Variants in CSMD3 observed in about 807,000 individuals in gnomAD.
CSMD3 encodes the protein CUB and sushi domain-containing protein 3.
A neutral mutation model predicts 435.2 loss-of-function variants in CSMD3; 177 were observed. The observed-to-expected ratio is 0.41, with a 90% confidence interval of 0.36 to 0.46. The LOEUF is 0.46. Ranked by LOEUF, CSMD3 falls within the 20% of genes least tolerant of loss-of-function variation. The pLI is 0.34. For synonymous variants in CSMD3, 1,656 were observed against 1,520.5 expected, an observed-to-expected ratio of 1.09 and a Z score of -2.07; for missense variants, 4,265 against 4,504.6, an observed-to-expected ratio of 0.95 and a Z score of 1.52.
intron 6 of CSMD3, among the ~76,000 whole-genome samples, chr8:112,981,699 TAAC>T (rs758941228): frequency 6.6e-6 from 1 of 151,694 alleles, no homozygotes; most frequent in Non-Finnish European, 1.5e-5. Context: ...AAACAAATAT[TAAC>T]AAATTATACA....
chr8:113,419,831 G>GAGAT (rs2094601430), intron 1 of CSMD3, among the ~76,000 whole-genome samples: 1 of 151,600 alleles, frequency 6.6e-6, no homozygotes, highest in Admixed American at 6.6e-5. Context: ...ATGGCATGTA[G>GAGAT]AGATCATCAT....
intron 11 of CSMD3, among the ~76,000 whole-genome samples, chr8:112,848,904 T>G (rs2129686556): frequency 6.6e-6 from 1 of 152,238 alleles, no homozygotes; most frequent in South Asian, 2.1e-4. Flanking sequence ...CTTGACCTCC[T>G]TCATTAATTC....
intron 13 of CSMD3, among the ~76,000 whole-genome samples, chr8:112,724,314 T>C (rs2131982516): frequency 6.6e-6 from 1 of 152,150 alleles, no homozygotes; most frequent in African/African-American, 2.4e-5. Flanking sequence ...AAATCAGGTA[T>C]AGTTATTGCC....
chr8:113,435,794 G>A (rs1171536601), intron 1 of CSMD3, among the ~76,000 whole-genome samples: 1 of 152,130 alleles, frequency 6.6e-6, no homozygotes, highest in Non-Finnish European at 1.5e-5. Context: ...GCAGGGTGCC[G>A]GAGAAGTTGT....
chr8:112,599,139 C>A (rs1586772754), intron 22 of CSMD3, among the ~76,000 whole-genome samples: 1 of 143,496 alleles, frequency 7.0e-6, no homozygotes, highest in East Asian at 2.0e-4. Context: ...GGGCTAATAT[C>A]CAGAATCTAC....
chr8:113,346,569 G>A (rs2094152823), intron 1 of CSMD3, among the ~76,000 whole-genome samples: 1 of 151,952 alleles, frequency 6.6e-6, no homozygotes, highest in African/African-American at 2.4e-5. Context: ...ATTAAAACCA[G>A]GGCAAATTTT....
intron 59 of CSMD3, among the ~76,000 whole-genome samples, chr8:112,276,810 G>A (rs897027519): frequency 6.6e-6 from 1 of 152,110 alleles, no homozygotes; most frequent in African/African-American, 2.4e-5. Context: ...CTGTGCACCT[G>A]CAGCCTCAAC....
chr8:112,289,588 A>G, intron 56 of CSMD3, 50 bp from the exon 57 acceptor site: 1 of 1,182,382 alleles, frequency 8.5e-7, no homozygotes, highest in Non-Finnish European at 1.2e-6. Context: ...CTCCTATCGA[A>G]CAACCTATAC....
chr8:112,805,467 A>T (rs2079062648), intron 12 of CSMD3, among the ~76,000 whole-genome samples: 10 of 152,170 alleles, frequency 6.6e-5, no homozygotes. Context: ...AAATAAACAC[A>T]GTTAAAAAAA....
At chr8:113,146,289 T>C (rs2091671297) in intron 4 of CSMD3, among the ~76,000 whole-genome samples, 1 of 151,218 alleles carries the variant, frequency 6.6e-6, no homozygotes, top group Non-Finnish European at 1.5e-5. Flanking sequence ...TCATGGGGGG[T>C]AGGAAGTGAC....
At chr8:112,975,146 G>A (rs1308780576) in intron 7 of CSMD3, among the ~76,000 whole-genome samples, 1 of 151,280 alleles carries the variant, frequency 6.6e-6, no homozygotes, top group East Asian at 2.0e-4. Flanking sequence ...TATATTAACT[G>A]AGTAGAAAAT....
intron 35 of CSMD3, among the ~76,000 whole-genome samples, chr8:112,401,171 C>G (rs1344700715): frequency 2.0e-5 from 3 of 152,006 alleles, no homozygotes; most frequent in Non-Finnish European, 2.9e-5. Flanking sequence ...CCACTGCACT[C>G]TAGCCTGGGT....
At chr8:113,163,481 A>T (rs955053347) in intron 4 of CSMD3, among the ~76,000 whole-genome samples, 3 of 151,054 alleles carry the variant, frequency 2.0e-5, no homozygotes, top group Non-Finnish European at 4.4e-5. Flanking sequence ...CTAAGTATAA[A>T]TTTTTTTGTT....
chr8:112,906,474 AC>A (rs532697616), intron 10 of CSMD3, among the ~76,000 whole-genome samples: 203 of 151,492 alleles, frequency 1.3e-3, no homozygotes, highest in South Asian at 4.6e-3. Context: ...AACCAAAAAA[AC>A]GTCTCTAATA....
chr8:112,770,064 T>C (rs2078073094), intron 13 of CSMD3, among the ~76,000 whole-genome samples: 1 of 152,016 alleles, frequency 6.6e-6, no homozygotes. Context: ...TTTCAAATTA[T>C]TGCAAATATC....
intron 58 of CSMD3, among the ~76,000 whole-genome samples, chr8:112,285,428 C>T (rs1819090056): frequency 6.6e-6 from 1 of 152,008 alleles, no homozygotes; most frequent in African/African-American, 2.4e-5. Context: ...ATTATTAAAA[C>T]TGACCCAGTT....
intron 5 of CSMD3, among the ~76,000 whole-genome samples, chr8:113,024,225 C>A (rs567539350): frequency 4.0e-5 from 6 of 151,864 alleles, no homozygotes; most frequent in African/African-American, 1.4e-4. Flanking sequence ...TGAGGTTTAC[C>A]CATGTTGTCC....
intron 53 of CSMD3, among the ~76,000 whole-genome samples, chr8:112,300,439 A>C (rs999142624): frequency 3.3e-5 from 5 of 151,940 alleles, no homozygotes; most frequent in Non-Finnish European, 7.4e-5. Flanking sequence ...ATTTGATTAT[A>C]TAATCACATA....
intron 10 of CSMD3, among the ~76,000 whole-genome samples, chr8:112,918,250 T>C (rs1372684093): frequency 6.6e-6 from 1 of 151,944 alleles, no homozygotes; most frequent in Non-Finnish European, 1.5e-5. Context: ...TTTCATGCTT[T>C]TTGAATAAAG....
Sources: gnomAD v4.1 joint callset for allele counts (sites outside exome capture counted in the v4.1 genomes callset) on GRCh38, gnomAD v4.1.1 for gene constraint, MANE v1.5 for transcripts, NCBI Gene and HGNC (gene_info 2026-07-23, HGNC 2026-07-21) for gene names.